PIEZO1: variants seen among roughly 807,000 people sequenced by gnomAD.
PIEZO1 encodes piezo-type mechanosensitive ion channel component 1.
In PIEZO1, 296 loss-of-function variants were observed where a neutral mutation model predicts 297.2. That is an observed-to-expected ratio of 1.00 (90% CI 0.91 to 1.10). The LOEUF (loss-of-function observed/expected upper bound fraction) is 1.10, where lower values mean the gene tolerates loss of function less well. Among genes scored for constraint, PIEZO1 ranks in the 50% least tolerant of loss-of-function variants. The probability of loss-of-function intolerance (pLI) is 0.00; values close to 1 mark genes in which losing one functional copy is unlikely to be tolerated. For missense variants in PIEZO1, 5,018 were observed against 3,455.5 expected (o/e 1.45, Z -11.34); for synonymous variants, 2,427 against 1,507.5 (o/e 1.61, Z -14.13).
rs117501872 is a variant in PIEZO1, at chr16:88,777,700, G to A, written c.64+7201C>T. Among the ~76,000 whole-genome samples the A allele has an allele frequency of 3.5e-3, 532 of 152,344 alleles. 4 individuals carry two copies. Among genetic ancestry groups the A allele is most frequent in the East Asian group, 0.026 (136 of 5,188 alleles). ...TCAAGTAAATGAGGGAGCGAGGGCC[G>A]CGTGGTGGCTGAGCTGCGTAAAGGC... On this transcript the variant is annotated intron_variant, in intron 1 of 50. Transcript: ENST00000301015.
At chr16:88,760,823 C>T (rs1906900236) in intron 1 of PIEZO1, among the ~76,000 whole-genome samples, 1 of 152,270 alleles carries the variant, frequency 6.6e-6, no homozygotes, top group South Asian at 2.1e-4. Flanking sequence ...GCCCGGCCAG[C>T]AGCCTGGGGC....
Position 88,737,783 on chromosome 16 carries a change from C to A in PIEZO1, c.1052G>T (p.Arg351Leu). Residue 351 changes from arginine to leucine, a missense_variant, in exon 9 of 51, where the codon CGG becomes CTG. Arg to Leu is a moderately radical substitution (Grantham distance 102). Coordinates refer to ENST00000301015, the MANE Select transcript of PIEZO1 (RefSeq NM_001142864.4). ...GTCCAGCTCTGCTAGCTCCAGCTCCCGAGCCTCATACCCCTTTGCCGCCTC... is the reference window on the plus strand; with the variant it reads ...GTCCAGCTCTGCTAGCTCCAGCTCCAGAGCCTCATACCCCTTTGCCGCCTC... ...RKEAAKGYEA[R>L]ELELAELDQW... The A allele has an allele frequency of 6.5e-7, 1 of 1,535,804 alleles. No individual in the cohort carries two copies. The highest frequency in any genetic ancestry group is 8.7e-7 in the Non-Finnish European group (1 of 1,146,732).
intron 2 of PIEZO1, among the ~76,000 whole-genome samples, chr16:88,747,766 A>C (rs564453298): frequency 6.6e-6 from 1 of 152,312 alleles, no homozygotes; most frequent in African/African-American, 2.4e-5. Context: ...TAAACCAGGG[A>C]AGTCGGCCTG....
At chr16:88,742,199 A>G (rs1905723937) in intron 3 of PIEZO1, 101 bp downstream of exon 3, 17 of 1,502,298 alleles carry the variant, frequency 1.1e-5, no homozygotes, top group Non-Finnish European at 1.3e-5. Context: ...CCAGACATAA[A>G]TCAGGCTGAG....
chr16:88,748,475 G>GA (rs1388568644), intron 2 of PIEZO1, among the ~76,000 whole-genome samples: 1 of 49,278 alleles, frequency 2.0e-5, no homozygotes, highest in South Asian at 9.4e-4. Context: ...TGGTTCCCAA[G>GA]GGGGGTCTCA....
At chr16:88,779,402 T>C (rs1375143499) in intron 1 of PIEZO1, among the ~76,000 whole-genome samples, 1 of 152,174 alleles carries the variant, frequency 6.6e-6, no homozygotes, top group East Asian at 1.9e-4. Flanking sequence ...GCACTTTTCT[T>C]TCCCCGCCTG....
chr16:88,780,819 T>C (rs911746585), intron 1 of PIEZO1, among the ~76,000 whole-genome samples: 28 of 152,100 alleles, frequency 1.8e-4, no homozygotes, highest in African/African-American at 5.8e-4. Context: ...AAATTAGGTA[T>C]GGTGCTACAC....
chr16:88,759,030 T>G (rs888213301), intron 1 of PIEZO1, among the ~76,000 whole-genome samples: 7 of 152,220 alleles, frequency 4.6e-5, no homozygotes, highest in African/African-American at 1.7e-4. Context: ...TGGTCCCCCC[T>G]ACCCACGGCA....
chr16:88,718,387 G>A (rs149565517), intron 44 of PIEZO1: 1 of 152,764 alleles, frequency 6.5e-6, no homozygotes, highest in Non-Finnish European at 1.5e-5. Context: ...CACAGGACCA[G>A]GGGCACGGGC....
chr16:88,777,430 C>T (rs182676765), intron 1 of PIEZO1, among the ~76,000 whole-genome samples: 3 of 152,106 alleles, frequency 2.0e-5, no homozygotes, highest in South Asian at 2.1e-4. Context: ...GTCACTGGCC[C>T]GCAGACACAT....
At chr16:88,753,253 ACCCAGCCCCCCAGAGCT>A in intron 1 of PIEZO1, among the ~76,000 whole-genome samples, 1 of 23,238 alleles carries the variant, frequency 4.3e-5, no homozygotes, top group Non-Finnish European at 7.2e-5. Flanking sequence ...CCCAGAGCGC[ACCCAGCCCCCCAGAGCT>A]CACCCGCCCC....
At chr16:88,774,974 G>A (rs1004280264) in intron 1 of PIEZO1, among the ~76,000 whole-genome samples, 3 of 152,324 alleles carry the variant, frequency 2.0e-5, no homozygotes, top group East Asian at 1.9e-4. Flanking sequence ...ACGACAGGGC[G>A]GTGCTGGGAG....
chr16:88,725,740 G>A, intron 27 of PIEZO1, 56 bp from the exon 28 acceptor site: 4 of 907,018 alleles, frequency 4.4e-6, no homozygotes, highest in East Asian at 2.6e-5. Context: ...CAGCAACATG[G>A]GCAGCCGCCG....
chr16:88,773,287 G>A (rs1158799889), intron 1 of PIEZO1, among the ~76,000 whole-genome samples: 1 of 152,268 alleles, frequency 6.6e-6, no homozygotes, highest in Non-Finnish European at 1.5e-5. Context: ...CTCCAAGAGT[G>A]GGCAGCCAAC....
At chr16:88,736,096 C>G (rs1905193694) in intron 12 of PIEZO1, 52 bp downstream of exon 12, 4 of 1,491,246 alleles carry the variant, frequency 2.7e-6, no homozygotes, top group African/African-American at 2.8e-5. Flanking sequence ...GGACGACAAC[C>G]CTGATGGGTC....
At chr16:88,746,546 C>T (rs964048219) in intron 2 of PIEZO1, among the ~76,000 whole-genome samples, 2 of 152,138 alleles carry the variant, frequency 1.3e-5, no homozygotes, top group African/African-American at 4.8e-5. Flanking sequence ...TACAAGGGGA[C>T]CAAGGCTCAG....
chr16:88,764,037 C>T (rs1949632738), intron 1 of PIEZO1, among the ~76,000 whole-genome samples: 1 of 152,156 alleles, frequency 6.6e-6, no homozygotes. Context: ...CGATGAGCCA[C>T]AGTTAGCACC....
chr16:88,742,347 A>C lies in PIEZO1; in HGVS notation c.236T>G (p.Ile79Ser). The change falls in exon 3 of 51, where the codon ATC (isoleucine) becomes AGC (serine). Residue 79 changes from isoleucine (I) to serine (S), a missense_variant. Physicochemically the swap from Ile to Ser is moderately radical, Grantham distance 142 (BLOSUM62 -2). Coordinates refer to ENST00000301015, the MANE Select transcript of PIEZO1 (RefSeq NM_001142864.4). Reference protein sequence around the residue: ...LFLVAHLALQICLHIVPRLDQ... With the variant: ...LFLVAHLALQSCLHIVPRLDQ... ...CAGGCGGGGCACAATATGCAGGCAGATCTGGAGGGCGAGATGGGCCACCAG... is the reference window on the plus strand; with the variant it reads ...CAGGCGGGGCACAATATGCAGGCAGCTCTGGAGGGCGAGATGGGCCACCAG... 6.5e-7 allele frequency: 1 copy of C among 1,535,490 alleles called. No homozygotes were observed. The highest frequency in any genetic ancestry group is 1.2e-5 in the South Asian group (1 of 84,058).
In PIEZO1 at chr16:88,726,470, C is replaced by T. The variant is rs954532870; in HGVS notation, c.3797-15G>A. The stretch of plus-strand genomic sequence containing the variant: ...CATCTCCTTGGCTGCAAGGCAGGCA[C>T]CGGCAAGGGTCAGGCCCAGGGCCCA... On this transcript the variant is annotated splice_polypyrimidine_tract_variant and intron_variant, in intron 26 of 50. Coordinates refer to ENST00000301015, the MANE Select transcript of PIEZO1 (RefSeq NM_001142864.4). 4 of 1,548,784 alleles carry T rather than the reference C, an allele frequency of 2.6e-6. No homozygotes were observed. In the African/African-American group the frequency reaches 5.5e-5, roughly 21 times the overall value.
Sources: gnomAD v4.1 joint callset for allele counts (sites outside exome capture counted in the v4.1 genomes callset) on GRCh38, gnomAD v4.1.1 for gene constraint, MANE v1.5 for transcripts, NCBI Gene and HGNC (gene_info 2026-07-23, HGNC 2026-07-21) for gene names.